The following LMO7 variants were observed in gnomAD, a reference collection of about 807,000 sequenced individuals.
LMO7 encodes the protein LIM domain 7.
LMO7 carries 120 observed loss-of-function variants against 206.5 expected under a neutral mutation model. That is an observed-to-expected ratio of 0.58 (90% CI 0.50 to 0.68). The LOEUF is 0.68. Ranked by LOEUF, LMO7 falls within the 30% of genes least tolerant of loss-of-function variation. The pLI is 0.00. For missense variants in LMO7, 1,959 were observed against 1,957.9 expected, an observed-to-expected ratio of 1.00 and a Z score of -0.01; for synonymous variants, 706 against 681.5, an observed-to-expected ratio of 1.04 and a Z score of -0.56.
chr13:75,694,689 G>A (rs148300048), intron 1 of LMO7, among the ~76,000 whole-genome samples: 1 of 152,116 alleles, frequency 6.6e-6, no homozygotes, highest in African/African-American at 2.4e-5. Flanking sequence ...ACAGAGAAGT[G>A]AGATGTGGTA....
At chr13:75,677,137 G>A (rs1197786468) in intron 1 of LMO7, among the ~76,000 whole-genome samples, 1 of 152,096 alleles carries the variant, frequency 6.6e-6, no homozygotes, top group African/African-American at 2.4e-5. Context: ...GTATACATTA[G>A]CATTAGTAAT....
At chr13:75,733,243 G>C (rs1268171824) in intron 3 of LMO7, among the ~76,000 whole-genome samples, 1 of 152,242 alleles carries the variant, frequency 6.6e-6, no homozygotes, top group Non-Finnish European at 1.5e-5. Context: ...AGCCTACAGA[G>C]GCAGGCAGGC....
At chr13:75,776,149 T>C (rs1457417122) in intron 4 of LMO7, among the ~76,000 whole-genome samples, 1 of 88,274 alleles carries the variant, frequency 1.1e-5, no homozygotes, top group South Asian at 3.9e-4. Flanking sequence ...ATATATGCCA[T>C]GTATATATAT....
At chr13:75,845,708 G>A (rs1346299691) in intron 26 of LMO7, among the ~76,000 whole-genome samples, 1 of 152,122 alleles carries the variant, frequency 6.6e-6, no homozygotes, top group African/African-American at 2.4e-5. Flanking sequence ...AGATGTCTAC[G>A]AAATACTGGA....
At position 75,817,178 on chromosome 13, in the gene LMO7, A is replaced by C. The variant is rs944475219; in HGVS notation, c.1964A>C (p.Asp655Ala). 1.2e-6 allele frequency: 2 copies of C among 1,613,158 alleles called. No individual in the cohort carries two copies. Among genetic ancestry groups the C allele is most frequent in the Non-Finnish European group, 1.7e-6 (2 of 1,179,190 alleles). The part of the protein sequence containing the change: ...YGENGSKSMS[D>A]VSAEDVQNLR... ...TGTTGTAGGAGTAAGTCCATGAGTG[A>C]TGTCAGCGCAGAAGATGTTCAAAAC... Residue 655 changes from aspartate to alanine, a missense_variant, in exon 12 of 31, where the codon GAT becomes GCT. Physicochemically the swap from Asp to Ala is moderately radical, Grantham distance 126 (BLOSUM62 -2). Coordinates refer to ENST00000377534, the MANE Select transcript of LMO7 (RefSeq NM_001306080.2).
chr13:75,767,001 T>C lies in LMO7; in HGVS notation c.317+5963T>C, dbSNP rs116664714. ...GCAGGCACTGAACTTTTGGTTTCAG[T>C]TGCCTTTTACTTATACCAGAATAAT... On this transcript the variant is annotated intron_variant, in intron 4 of 30. Coordinates refer to ENST00000377534, the MANE Select transcript of LMO7 (RefSeq NM_001306080.2). Among the ~76,000 whole-genome samples the C allele has an allele frequency of 5.2e-3, 797 of 152,224 alleles. 7 individuals are homozygous for C. Among genetic ancestry groups the C allele is most frequent in the African/African-American group, 0.018 (759 of 41,566 alleles).
intron 26 of LMO7, among the ~76,000 whole-genome samples, chr13:75,848,363 A>T (rs191104049): frequency 6.6e-6 from 1 of 152,068 alleles, no homozygotes; most frequent in African/African-American, 2.4e-5. Context: ...ATTGTCTCCA[A>T]TCTCATCCAG....
chr13:75,816,901 GTTTTTTTGTTTGTTTGTTTT>G (rs2057063085), intron 11 of LMO7: 2 of 271,568 alleles, frequency 7.4e-6, no homozygotes, highest in Non-Finnish European at 1.4e-5. Flanking sequence ...CTTGTTTTTT[GTTTTTTTGTTTGTTTGTTTT>G]TTTTGAGACT....
At chr13:75,638,206 T>A (rs1429034608) in intron 1 of LMO7, among the ~76,000 whole-genome samples, 1 of 152,184 alleles carries the variant, frequency 6.6e-6, no homozygotes, top group African/African-American at 2.4e-5. Context: ...GTGTGGAGTT[T>A]GCATCTGCGT....
Position 75,858,195 on chromosome 13 carries a change from A to C in LMO7, c.*252A>C. 1 of 378,038 alleles carries C rather than the reference A, an allele frequency of 2.6e-6. No homozygotes were observed. Among genetic ancestry groups the C allele is most frequent in the Non-Finnish European group, 4.7e-6 (1 of 212,402 alleles). 23.4% of individuals were successfully genotyped at this position (378,038 alleles called of 1,614,324 possible). On this transcript the variant is annotated 3_prime_UTR_variant, in exon 31 of 31. Coordinates refer to ENST00000377534, the MANE Select transcript of LMO7 (RefSeq NM_001306080.2). ...CTGTTGAATTCAGCATCTTGAGAGC[A>C]CAAGGGAAAAAATAAGAACCTACGA...
intron 3 of LMO7, among the ~76,000 whole-genome samples, chr13:75,754,646 T>C (rs1371113056): frequency 6.6e-6 from 1 of 152,212 alleles, no homozygotes; most frequent in African/African-American, 2.4e-5. Context: ...AAGAGCTTGC[T>C]TAAATAGGAA....
At chr13:75,816,099 T>A (rs890820270) in intron 11 of LMO7, among the ~76,000 whole-genome samples, 11 of 152,326 alleles carry the variant, frequency 7.2e-5, no homozygotes, top group Non-Finnish European at 1.2e-4. Context: ...ACGGACTGGT[T>A]CCTTAATTAT....
intron 4 of LMO7, among the ~76,000 whole-genome samples, chr13:75,785,018 G>A (rs1041733851): frequency 1.1e-4 from 17 of 151,942 alleles, no homozygotes; most frequent in African/African-American, 3.4e-4. Flanking sequence ...GTGAAATTCT[G>A]TAGTGTGTTG....
chr13:75,827,991 G>A (rs2058290021), intron 15 of LMO7, among the ~76,000 whole-genome samples: 1 of 152,174 alleles, frequency 6.6e-6, no homozygotes, highest in Admixed American at 6.6e-5. Context: ...CTCTCTGTAA[G>A]GGTGGAACAC....
intron 2 of LMO7, among the ~76,000 whole-genome samples, chr13:75,631,109 C>T (rs931149842): frequency 3.9e-5 from 6 of 152,174 alleles, no homozygotes; most frequent in African/African-American, 9.7e-5. Flanking sequence ...TCACTGCAAC[C>T]TCTGCTTTCC....
chr13:75,658,998 A>G (rs1241983213), intron 1 of LMO7, among the ~76,000 whole-genome samples: 1 of 152,006 alleles, frequency 6.6e-6, no homozygotes, highest in African/African-American at 2.4e-5. Flanking sequence ...TCTTCTCTCT[A>G]GATGATCAAA....
At chr13:75,734,235 ACTC>A (rs2045578527) in intron 3 of LMO7, among the ~76,000 whole-genome samples, 1 of 152,186 alleles carries the variant, frequency 6.6e-6, no homozygotes, top group Non-Finnish European at 1.5e-5. Context: ...CAAGGTAGCT[ACTC>A]AGACGGGGTA....
At chr13:75,745,253 G>A (rs2046742378) in intron 3 of LMO7, among the ~76,000 whole-genome samples, 1 of 152,098 alleles carries the variant, frequency 6.6e-6, no homozygotes, top group Admixed American at 6.6e-5. Flanking sequence ...AGGCATCATG[G>A]GCTTTGTTGG....
intron 26 of LMO7, among the ~76,000 whole-genome samples, chr13:75,846,672 C>T (rs111850874): frequency 0.021 from 3,215 of 152,280 alleles, 57 homozygotes; most frequent in Non-Finnish European, 0.031. Flanking sequence ...TGTCATTAAT[C>T]GGATTATTTT....
Sources: allele counts gnomAD v4.1 joint callset (sites outside exome capture counted in the v4.1 genomes callset), GRCh38; gene constraint gnomAD v4.1.1; transcripts MANE v1.5; gene names NCBI Gene and HGNC (gene_info 2026-07-23, HGNC 2026-07-21).